Variants in ZNF789 observed in about 807,000 individuals in gnomAD.
The protein encoded by ZNF789 is zinc finger protein 789.
ZNF789 carries 11 observed loss-of-function variants against 15.6 expected under a neutral mutation model. That is an observed-to-expected ratio of 0.70 (90% CI 0.44 to 1.16). ZNF789 has a LOEUF of 1.16. ZNF789 is among the 50% of genes most tolerant of loss of function. The pLI, the probability that ZNF789 is intolerant of heterozygous loss-of-function variation, is 0.00. For synonymous variants in ZNF789, 159 were observed against 176.0 expected, an observed-to-expected ratio of 0.90 and a Z score of 0.76; for missense variants, 461 against 512.6, an observed-to-expected ratio of 0.90 and a Z score of 0.97.
rs759286403 is a variant in ZNF789 at position 99,476,427 on chromosome 7, C to A, written c.-30C>A. On this transcript the variant is annotated 5_prime_UTR_variant, in exon 2 of 5. Coordinates refer to ENST00000331410, the MANE Select transcript of ZNF789 (RefSeq NM_213603.3). ...GCTCAGCCAGACGTCCAGGATCCCACCCCTTGCAAAAGACCAGGCCGTGGA... is the reference window on the plus strand; with the variant it reads ...GCTCAGCCAGACGTCCAGGATCCCAACCCTTGCAAAAGACCAGGCCGTGGA... The A allele has an allele frequency of 1.2e-5, 19 of 1,605,434 alleles. No homozygotes were observed. The highest frequency in any genetic ancestry group is 1.7e-5 in the Admixed American group (1 of 58,518).
In ZNF789 at chr7:99,487,341, GT is replaced by G. The variant is rs1562889772; in HGVS notation, c.1134del (p.Phe378LeufsTer79). 8.1e-6 allele frequency: 13 copies of G among 1,614,082 alleles called. No homozygotes were observed. The highest frequency in any genetic ancestry group is 6.8e-6 in the Non-Finnish European group (8 of 1,180,056). On this transcript the variant is annotated frameshift_variant, in exon 5 of 5. Coordinates refer to ENST00000331410, the MANE Select transcript of ZNF789 (RefSeq NM_213603.3). LOFTEE classifies it low-confidence loss of function (END_TRUNC). ...TTCAATGTGGAGAATGTGGGAAAAC[GT>G]TTAGTTTTAAGAGGAATCTTTTTCG... is the stretch of plus-strand genomic sequence containing the variant. ...FFQCGECGKT[F>X]SFKRNLFRHQ... is the part of the protein sequence containing the mutation.
chr7:99,479,973 A>AC, intron 3 of ZNF789, 186 bp downstream of exon 3: 2 of 715,036 alleles, frequency 2.8e-6, no homozygotes, highest in Non-Finnish European at 4.3e-6. Flanking sequence ...CCTATAGGAA[A>AC]CCATTTATTG....
chr7:99,478,656 A>T (rs975833901), intron 2 of ZNF789: 1 of 333,870 alleles, frequency 3.0e-6, no homozygotes, highest in African/African-American at 2.2e-5. Flanking sequence ...TGGGAGGGAG[A>T]GTGTGGCAGC....
intron 4 of ZNF789, chr7:99,485,111 G>A (rs1019555720): frequency 8.4e-6 from 12 of 1,426,662 alleles, no homozygotes; most frequent in East Asian, 2.5e-5. Context: ...GTCCTCTCTC[G>A]GTGCTGCCTC....
chr7:99,480,540 C>T (rs1490005155), intron 3 of ZNF789: 1 of 152,212 alleles, frequency 6.6e-6, no homozygotes, highest in Non-Finnish European at 1.5e-5. Context: ...GACCGAGACA[C>T]TTCATGCATT....
intron 4 of ZNF789, among the ~76,000 whole-genome samples, chr7:99,484,822 A>G (rs1019836453): frequency 5.4e-5 from 8 of 148,684 alleles, no homozygotes; most frequent in Non-Finnish European, 8.9e-5. Flanking sequence ...CCAGCTACTC[A>G]GGAGGCTGAG....
intron 3 of ZNF789, chr7:99,481,443 A>G (rs1288939341): frequency 6.6e-6 from 1 of 152,116 alleles, no homozygotes; most frequent in Non-Finnish European, 1.5e-5. Context: ...CATATCCAAT[A>G]GTAACATTTT....
intron 2 of ZNF789, among the ~76,000 whole-genome samples, chr7:99,477,321 G>A (rs1422832355): frequency 2.0e-5 from 3 of 151,934 alleles, no homozygotes; most frequent in East Asian, 1.9e-4. Context: ...CATTACAGGC[G>A]TGAGCCACTG....
intron 3 of ZNF789, among the ~76,000 whole-genome samples, chr7:99,482,537 C>T (rs1410304126): frequency 6.6e-6 from 1 of 152,142 alleles, no homozygotes; most frequent in Non-Finnish European, 1.5e-5. Context: ...ACATAACATA[C>T]ACACTACATA....
rs1035985300 is a variant in ZNF789 at position 99,486,687 on chromosome 7, C to T, written c.477C>T (p.Asn159=). ...GCAGGGGCTTCCTTCAAAACCTTAA[C>T]CTTATTCAAGATCAGAATGCGCAAA... ...EYSRGFLQNL[N]LIQDQNAQTR... is the part of the protein sequence containing the mutation. Residue 159 remains asparagine, a synonymous_variant, in exon 5 of 5, where the codon AAC becomes AAT. Coordinates refer to ENST00000331410, the MANE Select transcript of ZNF789 (RefSeq NM_213603.3). 6.2e-7 allele frequency: 1 copy of T among 1,614,190 alleles called. No homozygotes were observed. Among genetic ancestry groups the T allele is most frequent in the Admixed American group, 1.7e-5 (1 of 60,018 alleles).
Position 99,479,779 on chromosome 7 carries a change from T to A in ZNF789, c.143T>A (p.Val48Asp), listed in dbSNP as rs1584559604. The change falls in exon 3 of 5, where the codon GTC (valine) becomes GAC (aspartate). Residue 48 changes from valine (V) to aspartate (D), a missense_variant. Val to Asp is a radical substitution (Grantham distance 152). Coordinates refer to ENST00000331410, the MANE Select transcript of ZNF789 (RefSeq NM_213603.3). ...ATGTTGGAGAACTACAGGAACATGG[T>A]CTTGCTGGGTAGGACACGGCTTGAA... Reference protein sequence around the residue: ...DVMLENYRNMVLLGFQFPKPE... With the variant: ...DVMLENYRNMDLLGFQFPKPE... 1 of 1,613,290 alleles carries A rather than the reference T, an allele frequency of 6.2e-7. No homozygotes were observed. The highest frequency in any genetic ancestry group is 1.3e-5 in the African/African-American group (1 of 74,976).
At chr7:99,479,897 GT>G (rs1799531465) in intron 3 of ZNF789, 110 bp downstream of exon 3, 2 of 1,442,512 alleles carry the variant, frequency 1.4e-6, no homozygotes, top group Non-Finnish European at 1.8e-6. Context: ...AAACCGAAAG[GT>G]TTTTTTATAA....
rs138736292 is a variant in ZNF789 at position 99,483,931 on chromosome 7, G to A, written c.152-99G>A. ...TGTGCCAATCTCTATTCTCACCACC[G>A]CTTTTGATTATTGTCCTTATCTCTG... is the stretch of plus-strand genomic sequence containing the variant. On this transcript the variant is annotated intron_variant, in intron 3 of 4. Coordinates refer to ENST00000331410, the MANE Select transcript of ZNF789 (RefSeq NM_213603.3). 1.2e-4 allele frequency: 110 copies of A among 927,322 alleles called. No individual in the cohort carries two copies. In the East Asian group the frequency reaches 2.2e-3, roughly 19 times the overall value. The allele number at this position is 927,322 out of a possible 1,614,324, so 57.4% of individuals were successfully genotyped here. A position where few individuals can be genotyped will look rare whatever the true frequency, so the allele number is the denominator to read the frequency against.
At chr7:99,483,647 G>GAAT in intron 3 of ZNF789, 1 of 770,106 alleles carries the variant, frequency 1.3e-6, no homozygotes, top group South Asian at 1.4e-5. Flanking sequence ...ATAAACAATT[G>GAAT]AATACAAGGA....
chr7:99,483,645 T>C, intron 3 of ZNF789: 2 of 768,742 alleles, frequency 2.6e-6, no homozygotes, highest in Non-Finnish European at 4.9e-6. Context: ...AAATAAACAA[T>C]TGAATACAAG....
chr7:99,482,224 G>C (rs1267495623), intron 3 of ZNF789: 2 of 779,122 alleles, frequency 2.6e-6, no homozygotes, highest in Admixed American at 3.4e-5. Flanking sequence ...ATTCATCTTG[G>C]TTGCAATTGT....
intron 3 of ZNF789, chr7:99,482,054 TAAG>T (rs1799663274): frequency 1.4e-6 from 1 of 719,352 alleles, no homozygotes; most frequent in Non-Finnish European, 2.6e-6. Context: ...AAATATATAA[TAAG>T]ATAATTTGAG....
intron 2 of ZNF789, among the ~76,000 whole-genome samples, chr7:99,477,935 C>T (rs1293029691): frequency 6.6e-6 from 1 of 152,028 alleles, no homozygotes; most frequent in Non-Finnish European, 1.5e-5. Flanking sequence ...GCAACAAGAG[C>T]GAAACTGTCT....
chr7:99,486,283 C>G (rs1418205105), intron 4 of ZNF789, among the ~76,000 whole-genome samples, 193 bp from the exon 5 acceptor site: 1 of 152,182 alleles, frequency 6.6e-6, no homozygotes, highest in Non-Finnish European at 1.5e-5. Context: ...CCACTGCACT[C>G]TAGCCTGGGC....
Sources: allele counts gnomAD v4.1 joint callset (sites outside exome capture counted in the v4.1 genomes callset), GRCh38; gene constraint gnomAD v4.1.1; transcripts MANE v1.5; gene names NCBI Gene and HGNC (gene_info 2026-07-23, HGNC 2026-07-21).